ANO1: variants seen among roughly 807,000 people sequenced by gnomAD.
The protein encoded by ANO1 is anoctamin-1.
Under a neutral mutation model 124.0 loss-of-function variants are expected in ANO1, and 59 were observed. The observed-to-expected ratio is 0.48, with a 90% CI of 0.39 to 0.59. ANO1 has a LOEUF of 0.59. Among genes scored for constraint, ANO1 ranks in the 20% least tolerant of loss-of-function variants. The probability of loss-of-function intolerance (pLI) is 0.00; values close to 1 mark genes in which losing one functional copy is unlikely to be tolerated. For synonymous variants in ANO1, 529 were observed against 532.0 expected (o/e 0.99, Z 0.08); for missense variants, 1,059 against 1,328.0 (o/e 0.80, Z 3.15).
chr11:69,968,361 G>T, the ANO1 span, among the ~76,000 whole-genome samples: 2 of 152,200 alleles, frequency 1.3e-5, no homozygotes, highest in South Asian at 2.1e-4. Context: ...GGGCCCTCTG[G>T]CCTCCTTTGG....
At chr11:70,127,527 C>T (rs1288185758) in intron 10 of ANO1, among the ~76,000 whole-genome samples, 3 of 152,206 alleles carry the variant, frequency 2.0e-5, no homozygotes, top group East Asian at 1.9e-4. Context: ...CCCCACATGA[C>T]TTCAGAACAA....
At position 70,170,809 on chromosome 11, in the gene ANO1, C is replaced by A. The variant is rs565184716; in HGVS notation, c.2198-78C>A. 6.6e-6 allele frequency: 10 copies of A among 1,522,258 alleles called. No homozygotes were observed. In the Admixed American group the frequency reaches 2.0e-4, roughly 30 times the overall value. The allele number at this position is 1,522,258 out of a possible 1,614,324, so 94.3% of individuals were successfully genotyped here. On this transcript the variant is annotated intron_variant, in intron 21 of 25. Transcript: ENST00000355303. Reference sequence around the variant, plus strand: ...GGGCGGCAGCCAGACCTGTGCGGCTCGGCACACGGGGTGGTGGAGTCCCCC... The same window carrying A: ...GGGCGGCAGCCAGACCTGTGCGGCTAGGCACACGGGGTGGTGGAGTCCCCC...
chr11:70,069,425 C>A (rs1565173458), intron 1 of ANO1, among the ~76,000 whole-genome samples: 2 of 152,144 alleles, frequency 1.3e-5, no homozygotes, highest in Non-Finnish European at 2.9e-5. Flanking sequence ...GACGAATAAA[C>A]TCCTTCCGAT....
intron 2 of ANO1, among the ~76,000 whole-genome samples, chr11:70,092,961 G>T (rs1001614553): frequency 6.6e-6 from 1 of 151,738 alleles, no homozygotes; most frequent in African/African-American, 2.4e-5. Flanking sequence ...GAAAAGAGAA[G>T]GGCCCTGAGG....
intron 1 of ANO1, among the ~76,000 whole-genome samples, chr11:70,034,399 G>A (rs1461745312): frequency 2.6e-5 from 4 of 152,122 alleles, no homozygotes; most frequent in Non-Finnish European, 5.9e-5. Context: ...GGCATCCGGC[G>A]GTTGGGTGGA....
chr11:69,979,328 A>G, the ANO1 span, among the ~76,000 whole-genome samples: 1 of 152,206 alleles, frequency 6.6e-6, no homozygotes, highest in East Asian at 1.9e-4. Context: ...GATAAGCAGA[A>G]GGTTGGCATG....
rs371014657 is a variant in ANO1, at chr11:70,082,908, G to A, written c.108+4194G>A. Among the ~76,000 whole-genome samples, 16 of 152,164 alleles carry A rather than the reference G, an allele frequency of 1.1e-4. No homozygotes were observed. The South Asian group carries it at 2.3e-3, about 22-fold the overall frequency. ...CCTCCCAGCCTTTTAGAGTGTAGAC[G>A]GGAGAGAGCCCACACCTTAAAAACT... On this transcript the variant is annotated intron_variant, in intron 1 of 25. Coordinates refer to ENST00000355303, the MANE Select transcript of ANO1 (RefSeq NM_018043.7).
At chr11:70,158,206 G>A (rs974917612) in intron 16 of ANO1, among the ~76,000 whole-genome samples, 2 of 152,244 alleles carry the variant, frequency 1.3e-5, no homozygotes, top group African/African-American at 2.4e-5. Flanking sequence ...GCTTTTAGGG[G>A]ATTTCAATCC....
At chr11:70,108,909 T>A (rs1439175364) in intron 6 of ANO1, among the ~76,000 whole-genome samples, 1 of 152,222 alleles carries the variant, frequency 6.6e-6, no homozygotes, top group Non-Finnish European at 1.5e-5. Context: ...TGACCAGGCT[T>A]TCTGGGTACC....
intron 1 of ANO1, among the ~76,000 whole-genome samples, chr11:70,041,629 C>A (rs1383017316): frequency 1.3e-4 from 20 of 151,934 alleles, no homozygotes; most frequent in African/African-American, 4.8e-4. Flanking sequence ...CGTGTAAGCA[C>A]CACAGGGGCA....
chr11:69,984,287 G>A (rs1349921453), upstream of ANO1, among the ~76,000 whole-genome samples: 4 of 151,488 alleles, frequency 2.6e-5, no homozygotes, highest in Non-Finnish European at 4.4e-5. Flanking sequence ...CACACGTCCC[G>A]GGGCTTCTTG....
chr11:70,135,502 C>T (rs2046922734), intron 11 of ANO1, among the ~76,000 whole-genome samples: 1 of 152,194 alleles, frequency 6.6e-6, no homozygotes, highest in Non-Finnish European at 1.5e-5. Flanking sequence ...TCTGCCCATC[C>T]CTGGCATCAC....
At position 70,175,091 on chromosome 11, in the gene ANO1, G is replaced by A. The variant is rs187987756; in HGVS notation, c.2350+4052G>A. 5.2e-3 allele frequency among the ~76,000 whole-genome samples: 795 copies of A among 151,866 alleles called. 13 individuals carry two copies. Among genetic ancestry groups the A allele is most frequent in the Non-Finnish European group, 4.2e-3 (287 of 67,992 alleles). ...CTTCGAGAAGCTCTGGCTGTCCCCA[G>A]ACAGTGGCTGAATGAAGCTTGCAAA... On this transcript the variant is annotated intron_variant, in intron 22 of 25. Coordinates refer to ENST00000355303, the MANE Select transcript of ANO1 (RefSeq NM_018043.7).
chr11:70,063,282 A>G (rs1267355478), intron 1 of ANO1, among the ~76,000 whole-genome samples: 3 of 152,160 alleles, frequency 2.0e-5, no homozygotes, highest in African/African-American at 7.2e-5. Flanking sequence ...GGAGGAAAGA[A>G]TGGGATGAGG....
At chr11:70,186,310 AAGG>A (rs1048411957) in intron 25 of ANO1, among the ~76,000 whole-genome samples, 2 of 142,316 alleles carry the variant, frequency 1.4e-5, no homozygotes, top group Non-Finnish European at 3.1e-5. Context: ...GAGAGAAAAG[AAGG>A]AGAAGGAGAG....
At chr11:70,178,422 A>G (rs561510500) in intron 22 of ANO1, among the ~76,000 whole-genome samples, 115 of 152,344 alleles carry the variant, frequency 7.5e-4, no homozygotes, top group African/African-American at 2.7e-3. Context: ...CACTCGTGCA[A>G]AAGATCAAAC....
chr11:70,002,219 G>C lies in ANO1; in HGVS notation c.58+16053G>C, dbSNP rs188881093. Among the ~76,000 whole-genome samples, 364 of 152,134 alleles carry C rather than the reference G, an allele frequency of 2.4e-3. 3 individuals are homozygous for C. The highest frequency in any genetic ancestry group is 7.3e-3 in the South Asian group (35 of 4,810). On this transcript the variant is annotated intron_variant, in intron 1 of 27. Coordinates refer to the ANO1 transcript ENST00000531349. Reference sequence around the variant, plus strand: ...TAATCCCAGCACTTTGGGAGACCAAGGCAGGTGGATCATGAGGTCAGGATC... The same window carrying C: ...TAATCCCAGCACTTTGGGAGACCAACGCAGGTGGATCATGAGGTCAGGATC...
chr11:70,019,985 C>T (rs1195298289), intron 1 of ANO1, among the ~76,000 whole-genome samples: 1 of 152,200 alleles, frequency 6.6e-6, no homozygotes, highest in East Asian at 1.9e-4. Context: ...GCTTCTCTTC[C>T]CTCTCCCCTC....
At chr11:70,119,747 G>T (rs2046175118) in intron 8 of ANO1, among the ~76,000 whole-genome samples, 1 of 151,586 alleles carries the variant, frequency 6.6e-6, no homozygotes, top group South Asian at 2.1e-4. Flanking sequence ...GTTGATGGTT[G>T]GATAGGTGGA....
Sources: gnomAD v4.1 joint callset for allele counts (sites outside exome capture counted in the v4.1 genomes callset) on GRCh38, gnomAD v4.1.1 for gene constraint, MANE v1.5 for transcripts, NCBI Gene and HGNC (gene_info 2026-07-23, HGNC 2026-07-21) for gene names.